The following ABCC3 variants were observed in gnomAD, a reference collection of about 807,000 sequenced individuals.
The protein encoded by ABCC3 is ATP-binding cassette sub-family C member 3.
A neutral mutation model predicts 165.3 loss-of-function variants in ABCC3; 121 were observed. The observed-to-expected ratio is 0.73, with a 90% CI of 0.63 to 0.85. The LOEUF (loss-of-function observed/expected upper bound fraction) is 0.85. Ranked by LOEUF, ABCC3 falls within the 40% of genes least tolerant of loss-of-function variation. The pLI, the probability that ABCC3 is intolerant of heterozygous loss-of-function variation, is 0.00. For synonymous variants in ABCC3, 733 were observed against 810.1 expected, an observed-to-expected ratio of 0.90 and a Z score of 1.62; for missense variants, 1,869 against 1,964.1, an observed-to-expected ratio of 0.95 and a Z score of 0.92.
At chr17:50,668,334 G>T in intron 13 of ABCC3, 96 bp from the exon 14 acceptor site, 1 of 1,051,504 alleles carries the variant, frequency 9.5e-7, no homozygotes, top group Non-Finnish European at 1.4e-6. Flanking sequence ...GCCCTCAGGG[G>T]GTCCTGCCTA....
chr17:50,664,281 G>A (rs1453685214), intron 10 of ABCC3, 170 bp downstream of exon 10: 10 of 819,702 alleles, frequency 1.2e-5, no homozygotes, highest in Middle Eastern at 2.5e-4. Context: ...AGTGCGCCAC[G>A]ATTGTGCCTG....
rs1427696019 is a variant in ABCC3, at chr17:50,684,836, G to T, written c.4241G>T (p.Gly1414Val). Residue 1414 changes from glycine (G) to valine (V), a missense_variant, in exon 29 of 31, where the codon GGC (glycine) becomes GTC (valine). By Grantham distance (109) the Gly-to-Val change is moderately radical (BLOSUM62 -3). Transcript: ENST00000285238. ...LHTFVSSQPA[G>V]LDFQCSEGGE... The stretch of plus-strand genomic sequence containing the variant: ...ACGTTTGTGAGCTCCCAGCCGGCAG[G>T]CCTGGACTTCCAGTGCTCAGAGGGC... 1 of 1,614,174 alleles carries T rather than the reference G, an allele frequency of 6.2e-7. No homozygotes were observed. The highest frequency in any genetic ancestry group is 1.1e-5 in the South Asian group (1 of 91,076).
chr17:50,669,322 A>T (rs1347088583), intron 16 of ABCC3, 30 bp from the exon 17 acceptor site: 12 of 1,614,174 alleles, frequency 7.4e-6, no homozygotes, highest in Non-Finnish European at 1.0e-5. Context: ...GCCTTGGGCA[A>T]GCCCCGAGGT....
intron 1 of ABCC3, among the ~76,000 whole-genome samples, chr17:50,644,434 A>G (rs1966959853): frequency 6.6e-6 from 1 of 151,652 alleles, no homozygotes; most frequent in Non-Finnish European, 1.5e-5. Context: ...GAACTTGGCC[A>G]GGCATGGTGG....
intron 1 of ABCC3, among the ~76,000 whole-genome samples, chr17:50,642,548 AG>A (rs1329682785): frequency 6.6e-6 from 1 of 152,176 alleles, no homozygotes; most frequent in Non-Finnish European, 1.5e-5. Flanking sequence ...TTGCCATCGA[AG>A]TGCTTTGCTG....
rs1295565392 is a variant in ABCC3 at position 50,658,204 on chromosome 17, C to G, written c.609C>G (p.Asp203Glu). The G allele has an allele frequency of 6.2e-7, 1 of 1,614,218 alleles. No homozygotes were observed. Among genetic ancestry groups the G allele is most frequent in the African/African-American group, 1.3e-5 (1 of 75,050 alleles). Residue 203 changes from aspartate to glutamate, a missense_variant, in exon 5 of 31, where the codon GAC becomes GAG. By Grantham distance (45) the Asp-to-Glu change is conservative. Coordinates refer to ENST00000285238, the MANE Select transcript of ABCC3 (RefSeq NM_003786.4). ...KPPFFSAKNV[D>E]PNPYPETSAG... ...CATTTTTCTCCGCAAAGAATGTCGACCCTGTGAGTTTCCCATGGAGGGTGC... is the reference window on the plus strand; with the variant it reads ...CATTTTTCTCCGCAAAGAATGTCGAGCCTGTGAGTTTCCCATGGAGGGTGC...
chr17:50,656,818 G>T lies in ABCC3; in HGVS notation c.339G>T (p.Gly113=). The change falls in exon 3 of 31, where the codon GGG becomes GGT. Residue 113 remains glycine, a synonymous_variant. Coordinates refer to ENST00000285238, the MANE Select transcript of ABCC3 (RefSeq NM_003786.4). ...TCTTTGTCACCCCCTTGGTGGTGGG[G>T]GTCACCATGGTCAGTGTGGGGCCCT... ...PVFFVTPLVV[G]VTMLLATLLI... 1.2e-6 allele frequency: 2 copies of T among 1,609,474 alleles called. No homozygotes were observed. Among genetic ancestry groups the T allele is most frequent in the Non-Finnish European group, 1.7e-6 (2 of 1,177,984 alleles).
At chr17:50,663,902 C>T (rs370256748) in intron 9 of ABCC3, 44 bp downstream of exon 9, 2 of 1,614,068 alleles carry the variant, frequency 1.2e-6, no homozygotes, top group Non-Finnish European at 1.7e-6. Context: ...CCCTGGGCAG[C>T]TTGCAAGAGG....
At chr17:50,675,499 C>A in intron 20 of ABCC3, 23 bp downstream of exon 20, 2 of 1,606,200 alleles carry the variant, frequency 1.2e-6, no homozygotes, top group Non-Finnish European at 1.7e-6. Context: ...GAGCTCCCAG[C>A]CCTCCCGGAG....
At chr17:50,674,018 CTCTCTCTCTCTCTCTCTCTTTCTT>C (rs1967740571) in intron 19 of ABCC3, among the ~76,000 whole-genome samples, 2 of 8,250 alleles carry the variant, frequency 2.4e-4, no homozygotes, top group African/African-American at 1.1e-3. Flanking sequence ...CTCTCTCTCT[CTCTCTCTCTCTCTCTCTCTTTCTT>C]TCTTTCTTTC....
At chr17:50,669,891 G>A (rs1393092866) in intron 17 of ABCC3, among the ~76,000 whole-genome samples, 1 of 152,070 alleles carries the variant, frequency 6.6e-6, no homozygotes. Flanking sequence ...GAACTCCTGG[G>A]CTCAAGTGAT....
chr17:50,669,816 G>A (rs980087887), intron 17 of ABCC3, among the ~76,000 whole-genome samples: 1 of 151,712 alleles, frequency 6.6e-6, no homozygotes, highest in Non-Finnish European at 1.5e-5. Flanking sequence ...TTCTTTCTGA[G>A]ATAAGGCCTC....
chr17:50,669,047 G>A (rs1967585983), intron 15 of ABCC3, 93 bp from the exon 16 acceptor site: 2 of 1,598,328 alleles, frequency 1.3e-6, no homozygotes, highest in Non-Finnish European at 1.7e-6. Context: ...GGGGTGTCTG[G>A]AAGGGCGGAG....
At chr17:50,641,642 C>T (rs73344348) in intron 1 of ABCC3, among the ~76,000 whole-genome samples, 6,842 of 152,280 alleles carry the variant, frequency 0.045, 527 homozygotes, top group African/African-American at 0.16. Context: ...AGTACCTTCT[C>T]TGTGCCAGGC....
chr17:50,635,956 G>T, intron 1 of ABCC3: 1 of 198,998 alleles, frequency 5.0e-6, no homozygotes, highest in Non-Finnish European at 1.0e-5. Flanking sequence ...TCTAAGACAG[G>T]CTGCTCTTCA....
At chr17:50,676,215 T>C in intron 22 of ABCC3, 63 bp from the exon 23 acceptor site, 1 of 1,588,228 alleles carries the variant, frequency 6.3e-7, no homozygotes, top group South Asian at 1.2e-5. Flanking sequence ...GTGTCTCTGA[T>C]TCTGCCCCTT....
At chr17:50,656,050 G>A (rs576045913) in intron 2 of ABCC3, 42 bp downstream of exon 2, 3 of 1,425,796 alleles carry the variant, frequency 2.1e-6, no homozygotes, top group African/African-American at 2.9e-5. Context: ...GCTGGGCCCT[G>A]GGGATTCTGC....
In ABCC3 at chr17:50,659,235, AG is replaced by A. The variant is rs780678998; in HGVS notation, c.675del. 3 of 1,613,404 alleles carry A rather than the reference AG, an allele frequency of 1.9e-6. No individual in the cohort carries two copies. The East Asian group carries it at 6.7e-5, about 36-fold the overall frequency. ...TGCCTGCCGGGCTTCACCTCCCCCCAGGATGGCCATCTATGGCTACCGGCAT... is the reference window on the plus strand; with the variant it reads ...TGCCTGCCGGGCTTCACCTCCCCCCAGATGGCCATCTATGGCTACCGGCAT... On this transcript the variant is annotated splice_acceptor_variant, in intron 6 of 30. Transcript: ENST00000285238. LOFTEE classifies it high-confidence loss of function.
intron 29 of ABCC3, chr17:50,687,250 A>G: frequency 2.3e-6 from 1 of 436,960 alleles, no homozygotes; most frequent in South Asian, 4.3e-5. Flanking sequence ...ACTAGCTGAA[A>G]AGCAAGGATG....
Sources: allele counts gnomAD v4.1 joint callset (sites outside exome capture counted in the v4.1 genomes callset), GRCh38; gene constraint gnomAD v4.1.1; transcripts MANE v1.5; gene names NCBI Gene and HGNC (gene_info 2026-07-23, HGNC 2026-07-21).